Variants in LRMDA observed in about 807,000 individuals in gnomAD.
LRMDA encodes the protein leucine-rich melanocyte differentiation-associated protein.
Under a neutral mutation model 29.8 loss-of-function variants are expected in LRMDA, and 18 were observed. The ratio of observed to expected loss-of-function variants is 0.60; its 90% confidence interval spans 0.42 to 0.90. The LOEUF (loss-of-function observed/expected upper bound fraction) is 0.90. LRMDA is among the 40% of genes least tolerant of loss of function. The pLI, the probability that LRMDA is intolerant of heterozygous loss-of-function variation, is 0.00. For missense variants in LRMDA, 273 were observed against 273.9 expected (o/e 1.00, Z 0.02); for synonymous variants, 125 against 109.4 (o/e 1.14, Z -0.89).
intron 2 of LRMDA, among the ~76,000 whole-genome samples, chr10:75,769,167 C>T (rs1241515148): frequency 2.0e-5 from 3 of 152,198 alleles, no homozygotes; most frequent in African/African-American, 4.8e-5. Context: ...AGGACAGCTA[C>T]CGGAGACACA....
intron 6 of LRMDA, among the ~76,000 whole-genome samples, chr10:76,517,172 T>C (rs1408047292): frequency 6.6e-6 from 1 of 152,120 alleles, no homozygotes; most frequent in African/African-American, 2.4e-5. Flanking sequence ...AGGAAAAAGA[T>C]AGGAGAGCCA....
chr10:76,343,037 C>G (rs1432143300), intron 6 of LRMDA, among the ~76,000 whole-genome samples: 1 of 152,100 alleles, frequency 6.6e-6, no homozygotes, highest in East Asian at 1.9e-4. Flanking sequence ...ATAAATATTT[C>G]TGTCATAATT....
In LRMDA at chr10:75,789,805, G is replaced by A. The variant is rs116772768; in HGVS notation, c.132-246203G>A. Among the ~76,000 whole-genome samples, 974 of 152,200 alleles carry A rather than the reference G, an allele frequency of 6.4e-3. 16 individuals are homozygous for A. The highest frequency in any genetic ancestry group is 0.022 in the African/African-American group (922 of 41,514). On this transcript the variant is annotated intron_variant, in intron 2 of 6. Coordinates refer to ENST00000611255, the MANE Select transcript of LRMDA (RefSeq NM_001305581.2). ...TTTCAAACTGCTGTTGCTATATTTG[G>A]ATGTTGATTAATACGAGTCTTTGCT...
chr10:75,746,566 A>G (rs1564556561), intron 2 of LRMDA, among the ~76,000 whole-genome samples: 1 of 152,120 alleles, frequency 6.6e-6, no homozygotes, highest in South Asian at 2.1e-4. Context: ...TATTTGTCAG[A>G]GGGTTTGATG....
chr10:76,252,711 T>C (rs1852507278), intron 5 of LRMDA, among the ~76,000 whole-genome samples: 1 of 152,222 alleles, frequency 6.6e-6, no homozygotes, highest in African/African-American at 2.4e-5. Flanking sequence ...ACTCATGGTT[T>C]GGTCAGCTGG....
chr10:76,311,179 G>A (rs1840625140), intron 5 of LRMDA, among the ~76,000 whole-genome samples: 1 of 152,162 alleles, frequency 6.6e-6, no homozygotes, highest in Admixed American at 6.5e-5. Context: ...GAATGCACAC[G>A]TATCCTATTC....
chr10:76,407,688 A>G lies in LRMDA; in HGVS notation c.601+83203A>G, dbSNP rs1053502177. Reference sequence around the variant, plus strand: ...CATAGCCAAAGGGTGACCACATGAGAGCCAAAACTGTCTGCTATCCTTAAA... The same window carrying G: ...CATAGCCAAAGGGTGACCACATGAGGGCCAAAACTGTCTGCTATCCTTAAA... On this transcript the variant is annotated intron_variant, in intron 6 of 6. Coordinates refer to ENST00000611255, the MANE Select transcript of LRMDA (RefSeq NM_001305581.2). 5.3e-5 allele frequency among the ~76,000 whole-genome samples: 8 copies of G among 152,200 alleles called. No homozygotes were observed. The South Asian group carries it at 1.7e-3, about 32-fold the overall frequency.
intron 2 of LRMDA, among the ~76,000 whole-genome samples, chr10:75,679,488 T>C (rs1377020471): frequency 1.3e-5 from 2 of 152,150 alleles, no homozygotes; most frequent in Non-Finnish European, 2.9e-5. Flanking sequence ...CTTGGTGACA[T>C]TGTAAAAGTC....
At chr10:76,438,835 G>A (rs1842271673) in intron 6 of LRMDA, 1 of 152,148 alleles carries the variant, frequency 6.6e-6, no homozygotes, top group South Asian at 2.1e-4. Flanking sequence ...ATATGTTAAT[G>A]TGTATTCAGA....
intron 6 of LRMDA, among the ~76,000 whole-genome samples, chr10:76,393,865 T>G (rs983738827): frequency 2.0e-5 from 3 of 152,146 alleles, no homozygotes; most frequent in Non-Finnish European, 4.4e-5. Context: ...GTCTAATTTT[T>G]TTCTTCTGTT....
chr10:75,854,995 C>A (rs968562989), intron 2 of LRMDA, among the ~76,000 whole-genome samples: 1 of 152,136 alleles, frequency 6.6e-6, no homozygotes, highest in Non-Finnish European at 1.5e-5. Flanking sequence ...GCTTCCAAGT[C>A]TTTGCTATTG....
rs147793997 is a variant in LRMDA, at chr10:75,645,576, G to A, written c.131+207082G>A. Among the ~76,000 whole-genome samples the A allele has an allele frequency of 3.6e-3, 551 of 152,234 alleles. 2 individuals are homozygous for A. Among genetic ancestry groups the A allele is most frequent in the African/African-American group, 0.013 (534 of 41,540 alleles). On this transcript the variant is annotated intron_variant, in intron 2 of 6. Transcript: ENST00000611255. ...GCAGTTAGACTTGATGCTGTGGGTCGGGGGAACCCATGGGTTGGGAGGGTG... is the reference window on the plus strand; with the variant it reads ...GCAGTTAGACTTGATGCTGTGGGTCAGGGGAACCCATGGGTTGGGAGGGTG...
rs185603089 is a variant in LRMDA at position 76,435,727 on chromosome 10, G to A, written c.601+111242G>A. On this transcript the variant is annotated intron_variant, in intron 6 of 6. Transcript: ENST00000611255. ...TCCCAAGTGCCATGCTCATAGAGGG[G>A]TTGGTGCTTGGGTCATCAGTACCTT... 5.6e-4 allele frequency among the ~76,000 whole-genome samples: 86 copies of A among 152,268 alleles called. 5 individuals are homozygous for A. Among genetic ancestry groups the A allele is most frequent in the Admixed American group, 4.3e-3 (66 of 15,294 alleles).
At chr10:76,120,671 A>G (rs954642814) in intron 5 of LRMDA, among the ~76,000 whole-genome samples, 1 of 152,160 alleles carries the variant, frequency 6.6e-6, no homozygotes, top group African/African-American at 2.4e-5. Context: ...CCAAAACAGT[A>G]TGTGCTGATC....
At chr10:76,096,201 G>T (rs1195040079) in intron 5 of LRMDA, among the ~76,000 whole-genome samples, 1 of 152,082 alleles carries the variant, frequency 6.6e-6, no homozygotes, top group Non-Finnish European at 1.5e-5. Context: ...GCTAATAAAA[G>T]ATTATAAAGA....
At chr10:75,487,398 GCTCT>G (rs2132057975) in intron 2 of LRMDA, among the ~76,000 whole-genome samples, 1 of 152,198 alleles carries the variant, frequency 6.6e-6, no homozygotes, top group East Asian at 1.9e-4. Flanking sequence ...AGGACTTGAA[GCTCT>G]CTGAGTGTAA....
At chr10:75,690,498 T>A (rs1391623761) in intron 2 of LRMDA, among the ~76,000 whole-genome samples, 1 of 152,120 alleles carries the variant, frequency 6.6e-6, no homozygotes, top group Non-Finnish European at 1.5e-5. Flanking sequence ...TTATTTTTTT[T>A]AAAGACAGGG....
chr10:75,774,271 T>C (rs1159027692), intron 2 of LRMDA, among the ~76,000 whole-genome samples: 2 of 152,204 alleles, frequency 1.3e-5, no homozygotes, highest in Non-Finnish European at 2.9e-5. Context: ...CTTACATCCT[T>C]TTTGTTTCTC....
rs564808006 is a variant in LRMDA, at chr10:75,517,361, C to A, written c.131+78867C>A. On this transcript the variant is annotated intron_variant, in intron 2 of 6. Transcript: ENST00000611255. The stretch of plus-strand genomic sequence containing the variant: ...TGAATGTTCTTCCATTTGTTTGTGT[C>A]CTCTTTTATTTTGTTGAGCAGTGGT... Among the ~76,000 whole-genome samples the A allele has an allele frequency of 1.7e-4, 26 of 152,160 alleles. 1 individual carries two copies. Among genetic ancestry groups the A allele is most frequent in the Middle Eastern group, 3.4e-3 (1 of 294 alleles).
Sources: allele counts gnomAD v4.1 joint callset (sites outside exome capture counted in the v4.1 genomes callset), GRCh38; gene constraint gnomAD v4.1.1; transcripts MANE v1.5; gene names NCBI Gene and HGNC (gene_info 2026-07-23, HGNC 2026-07-21).